The following TRPC7 variants were observed in gnomAD, a reference collection of about 807,000 sequenced individuals.
TRPC7 encodes short transient receptor potential channel 7.
TRPC7 carries 42 observed loss-of-function variants against 90.1 expected under a neutral mutation model. That is an observed-to-expected ratio of 0.47 (90% CI 0.36 to 0.60). The LOEUF is 0.60. Ranked by LOEUF, TRPC7 falls within the 20% of genes least tolerant of loss-of-function variation. The probability of loss-of-function intolerance (pLI) is 0.00; values close to 1 mark genes in which losing one functional copy is unlikely to be tolerated. For missense variants in TRPC7, 955 were observed against 1,112.3 expected (o/e 0.86, Z 2.01); for synonymous variants, 451 against 436.3 (o/e 1.03, Z -0.42).
At chr5:136,331,192 A>C (rs574347564) in intron 2 of TRPC7, among the ~76,000 whole-genome samples, 1 of 152,308 alleles carries the variant, frequency 6.6e-6, no homozygotes, top group African/African-American at 2.4e-5. Flanking sequence ...TGAAGCACAC[A>C]TAACAGCTAC....
At chr5:136,342,403 T>C (rs945043060) in intron 2 of TRPC7, among the ~76,000 whole-genome samples, 1 of 152,104 alleles carries the variant, frequency 6.6e-6, no homozygotes, top group Non-Finnish European at 1.5e-5. Context: ...ACGAGGAGTG[T>C]TCTTCTTCCT....
intron 10 of TRPC7, among the ~76,000 whole-genome samples, chr5:136,220,219 T>C (rs1755408275): frequency 6.6e-6 from 1 of 152,144 alleles, no homozygotes; most frequent in African/African-American, 2.4e-5. Context: ...ATAACAGCGA[T>C]TTTCAGAGAA....
intron 3 of TRPC7, among the ~76,000 whole-genome samples, chr5:136,293,351 TC>T (rs1758032746): frequency 6.6e-6 from 1 of 152,176 alleles, no homozygotes; most frequent in African/African-American, 2.4e-5. Flanking sequence ...AGTCAAATTG[TC>T]CCTCTTTGCA....
chr5:136,328,173 C>T (rs556852219), intron 2 of TRPC7, among the ~76,000 whole-genome samples: 5 of 152,138 alleles, frequency 3.3e-5, no homozygotes, highest in Admixed American at 2.6e-4. Flanking sequence ...GTGCAGAGAC[C>T]GACAACATTT....
chr5:136,315,634 C>T lies in TRPC7; in HGVS notation c.926G>A (p.Ser309Asn), dbSNP rs760276000. ...VWSDHHRPSL[S>N]RIKLAIKYEV... ...ATATTTAATGGCGAGTTTGATCCGG[C>T]TCAGACTTGGACGGTGGTGGTCGGA... The change falls in exon 3 of 12, where the codon AGC (serine) becomes AAC (asparagine). Residue 309 changes from serine (S) to asparagine (N), a missense_variant. Ser to Asn is a conservative substitution (Grantham distance 46, BLOSUM62 1). Around this residue, in one of 4 missense-constraint regions of TRPC7, gnomAD observed 484 missense variants for 509.6 expected, o/e 0.95. Coordinates refer to ENST00000513104, the MANE Select transcript of TRPC7 (RefSeq NM_020389.3). The T allele has an allele frequency of 1.2e-6, 2 of 1,613,894 alleles. No individual in the cohort carries two copies. The highest frequency in any genetic ancestry group is 1.1e-5 in the South Asian group (1 of 91,070).
At chr5:136,287,206 T>G (rs1047246462) in intron 3 of TRPC7, among the ~76,000 whole-genome samples, 3 of 152,124 alleles carry the variant, frequency 2.0e-5, no homozygotes, top group African/African-American at 7.2e-5. Flanking sequence ...TGAGTGACGT[T>G]TTCCCTTCCA....
intron 2 of TRPC7, among the ~76,000 whole-genome samples, chr5:136,332,576 T>A (rs752501414): frequency 2.0e-5 from 3 of 152,210 alleles, no homozygotes; most frequent in Non-Finnish European, 4.4e-5. Context: ...AGAAGGGAAT[T>A]GAGTAAGGAG....
chr5:136,334,612 G>C (rs546047689), intron 2 of TRPC7, among the ~76,000 whole-genome samples: 1 of 152,156 alleles, frequency 6.6e-6, no homozygotes, highest in East Asian at 1.9e-4. Context: ...ACTCTTTCAC[G>C]CTCTGGGCTC....
chr5:136,294,856 A>G (rs1758106767), intron 3 of TRPC7, among the ~76,000 whole-genome samples: 1 of 152,228 alleles, frequency 6.6e-6, no homozygotes, highest in Non-Finnish European at 1.5e-5. Context: ...TTGTTGCGGC[A>G]CTATTCACAA....
At chr5:136,290,894 A>C (rs188379914) in intron 3 of TRPC7, among the ~76,000 whole-genome samples, 3 of 152,354 alleles carry the variant, frequency 2.0e-5, no homozygotes, top group Admixed American at 2.0e-4. Flanking sequence ...CCAGAGAGAA[A>C]GGTTGAGTTA....
intron 2 of TRPC7, among the ~76,000 whole-genome samples, chr5:136,323,955 T>A (rs1561718987): frequency 6.6e-6 from 1 of 152,192 alleles, no homozygotes; most frequent in Non-Finnish European, 1.5e-5. Flanking sequence ...AGATAATATG[T>A]ACTTCTCTTA....
At chr5:136,291,129 CTCCTG>C in intron 3 of TRPC7, among the ~76,000 whole-genome samples, 3 of 152,188 alleles carry the variant, frequency 2.0e-5, no homozygotes, top group African/African-American at 7.2e-5. Context: ...CCTACAAGAG[CTCCTG>C]AAAGAAGCTC....
rs192952822 is a variant in TRPC7, at chr5:136,266,078, T to C, written c.1345+142A>G. The C allele has an allele frequency of 2.5e-4, 186 of 737,550 alleles. 1 individual carries two copies. The highest frequency in any genetic ancestry group is 8.4e-4 in the South Asian group (47 of 55,876). The allele number at this position is 737,550 out of a possible 1,614,324, so 45.7% of individuals were successfully genotyped here. A position where few individuals can be genotyped will look rare whatever the true frequency, so the allele number is the denominator to read the frequency against. On this transcript the variant is annotated intron_variant, in intron 5 of 11. Coordinates refer to ENST00000513104, the MANE Select transcript of TRPC7 (RefSeq NM_020389.3). Reference sequence around the variant, plus strand: ...GTATCTTAAAGACAGAAGTTGACTCTGACTTTCTTGTTGGTCATCCACTCA... The same window carrying C: ...GTATCTTAAAGACAGAAGTTGACTCCGACTTTCTTGTTGGTCATCCACTCA...
chr5:136,329,832 G>C (rs1049740811), intron 2 of TRPC7, among the ~76,000 whole-genome samples: 1 of 152,194 alleles, frequency 6.6e-6, no homozygotes, highest in African/African-American at 2.4e-5. Flanking sequence ...ACTCCTGGAA[G>C]AGCCTCTCCT....
At chr5:136,332,662 AAAAC>A (rs139446184) in intron 2 of TRPC7, among the ~76,000 whole-genome samples, 10 of 152,170 alleles carry the variant, frequency 6.6e-5, no homozygotes, top group East Asian at 1.9e-4. Flanking sequence ...AAGTAAGGAA[AAAAC>A]AAACAAACAA....
At chr5:136,232,260 C>T (rs560738525) in intron 7 of TRPC7, among the ~76,000 whole-genome samples, 23 of 152,282 alleles carry the variant, frequency 1.5e-4, no homozygotes, top group Admixed American at 1.0e-3. Flanking sequence ...CCACAGCCCA[C>T]GTGAAGGGGA....
At position 136,226,201 on chromosome 5, in the gene TRPC7, A is replaced by C; in HGVS notation, c.2095T>G (p.Phe699Val). 6.4e-7 allele frequency: 1 copy of C among 1,552,820 alleles called. No homozygotes were observed. ...FARAKLWLSY[F>V]DEGRTLPAPF... ...GCAGGTAGAGTTCTTCCTTCATCAA[A>C]GTAAGACAGCCAGAGTTTTGCTCGG... Residue 699 changes from phenylalanine to valine, a missense_variant, in exon 9 of 12, where the codon TTT (phenylalanine) becomes GTT (valine). Physicochemically the swap from Phe to Val is conservative, Grantham distance 50. Transcript: ENST00000513104.
intron 3 of TRPC7, among the ~76,000 whole-genome samples, chr5:136,311,619 T>C (rs1026602392): frequency 5.9e-5 from 9 of 152,190 alleles, no homozygotes; most frequent in Non-Finnish European, 5.9e-5. Flanking sequence ...TTAGAGAAGA[T>C]TGCAAGGTGT....
intron 3 of TRPC7, among the ~76,000 whole-genome samples, chr5:136,304,727 A>G (rs980374857): frequency 2.6e-5 from 4 of 152,068 alleles, no homozygotes; most frequent in African/African-American, 9.7e-5. Context: ...TTTCATCCTC[A>G]TCTGTTACCT....
Sources: allele counts gnomAD v4.1 joint callset (sites outside exome capture counted in the v4.1 genomes callset), GRCh38; gene constraint gnomAD v4.1.1; regional missense constraint gnomAD v4.1.1; transcripts MANE v1.5; gene names NCBI Gene and HGNC (gene_info 2026-07-23, HGNC 2026-07-21).